Variants in AHCY observed in about 807,000 individuals in gnomAD.
AHCY encodes the protein S-adenosyl-L-homocysteine hydrolase.
A neutral mutation model predicts 45.4 loss-of-function variants in AHCY; 24 were observed. The observed-to-expected ratio is 0.53, with a 90% CI of 0.38 to 0.74. AHCY has a LOEUF of 0.74. AHCY is among the 30% of genes least tolerant of loss of function. The pLI, the probability that AHCY is intolerant of heterozygous loss-of-function variation, is 0.00. For synonymous variants in AHCY, 245 were observed against 235.1 expected (o/e 1.04, Z -0.39); for missense variants, 449 against 594.1 (o/e 0.76, Z 2.54).
Position 34,290,710 on chromosome 20 carries a change from C to T in AHCY, c.766+21G>A. On this transcript the variant is annotated intron_variant, in intron 6 of 9. Coordinates refer to ENST00000217426, the MANE Select transcript of AHCY (RefSeq NM_000687.4). This position sits in a 1 kb window ranked among gnomAD's most constrained non-coding sequence, Gnocchi z 4.5. The stretch of plus-strand genomic sequence containing the variant: ...TCCCTCTGGCCCCAGTGGCTGACAA[C>T]CAACCCTTGCCCTATCCTACCCTCC... 1.2e-6 allele frequency: 2 copies of T among 1,613,768 alleles called. No individual in the cohort carries two copies. Among genetic ancestry groups the T allele is most frequent in the Non-Finnish European group, 1.7e-6 (2 of 1,179,964 alleles).
the AHCY span, among the ~76,000 whole-genome samples, chr20:34,269,946 T>TTAAAA: frequency 3.4e-5 from 2 of 59,234 alleles, no homozygotes; most frequent in Admixed American, 1.8e-4. Flanking sequence ...AACTCTGTCT[T>TTAAAA]AAAAAAAAAA....
the AHCY span, chr20:34,246,485 C>G: frequency 7.2e-7 from 1 of 1,387,616 alleles, no homozygotes; most frequent in South Asian, 1.2e-5. Flanking sequence ...TAACTTGGCA[C>G]TGTTCCTTGG....
chr20:34,260,288 A>C, the AHCY span: 18 of 1,443,414 alleles, frequency 1.2e-5, no homozygotes, highest in South Asian at 1.8e-4. Context: ...CAGCCCAAAG[A>C]AGCACAAAGA....
At chr20:34,299,229 T>A (rs1345233586) in intron 1 of AHCY, among the ~76,000 whole-genome samples, 1 of 151,894 alleles carries the variant, frequency 6.6e-6, no homozygotes, top group Admixed American at 6.6e-5. Context: ...TGATTCCATA[T>A]CCCCTCTCCT....
At chr20:34,258,819 A>G in the AHCY span, among the ~76,000 whole-genome samples, 1 of 119,636 alleles carries the variant, frequency 8.4e-6, no homozygotes. Flanking sequence ...TATATATAAT[A>G]CTATATATAG....
chr20:34,253,821 T>C, the AHCY span, among the ~76,000 whole-genome samples: 3 of 152,160 alleles, frequency 2.0e-5, no homozygotes, highest in East Asian at 3.9e-4. Context: ...GCCATTTAAA[T>C]GACAGGTTCA....
chr20:34,261,737 C>T, the AHCY span, among the ~76,000 whole-genome samples: 53 of 151,242 alleles, frequency 3.5e-4, no homozygotes, highest in African/African-American at 1.1e-3. Context: ...AGGAGGTCGA[C>T]GCTGCAGTGA....
the AHCY span, among the ~76,000 whole-genome samples, chr20:34,268,332 C>A: frequency 6.6e-6 from 1 of 152,108 alleles, no homozygotes; most frequent in African/African-American, 2.4e-5. Flanking sequence ...CGGTGCACAG[C>A]GGGGCAGCGA....
chr20:34,245,815 G>T, the AHCY span: 1 of 783,682 alleles, frequency 1.3e-6, no homozygotes, highest in Non-Finnish European at 1.6e-6. Flanking sequence ...TGCCAAGGAC[G>T]AGGGCAGTCT....
intron 1 of AHCY, chr20:34,301,743 T>G: frequency 2.2e-6 from 2 of 891,550 alleles, no homozygotes; most frequent in Non-Finnish European, 2.7e-6. Flanking sequence ...ACTATTGATG[T>G]GACCTTCACA....
At chr20:34,306,079 CAAAAAAAA>C (rs56039506), upstream of AHCY, among the ~76,000 whole-genome samples, 141 of 103,104 alleles carry the variant, frequency 1.4e-3, 1 homozygote, top group African/African-American at 4.7e-3. Flanking sequence ...AAGACTGCCT[CAAAAAAAA>C]AAAAAAAAAA....
the AHCY span, among the ~76,000 whole-genome samples, chr20:34,253,307 C>T: frequency 1.3e-5 from 2 of 151,584 alleles, no homozygotes; most frequent in East Asian, 3.9e-4. Flanking sequence ...GGGGTTTCAC[C>T]ATGTTAGCCA....
chr20:34,296,420 A>G (rs192458807), intron 1 of AHCY, among the ~76,000 whole-genome samples: 23 of 152,320 alleles, frequency 1.5e-4, no homozygotes, highest in Non-Finnish European at 3.1e-4. Context: ...TTAGTAATAA[A>G]AGGTAATATT....
At chr20:34,267,544 T>A in the AHCY span, among the ~76,000 whole-genome samples, 31 of 152,146 alleles carry the variant, frequency 2.0e-4, no homozygotes, top group Middle Eastern at 6.8e-3. Context: ...TTATTTATTT[T>A]TTTTGAGACA....
the AHCY span, among the ~76,000 whole-genome samples, chr20:34,266,738 G>A: frequency 5.3e-5 from 8 of 152,292 alleles, no homozygotes; most frequent in East Asian, 3.9e-4. Flanking sequence ...CTAAGGACAC[G>A]TTAGCACCAA....
At chr20:34,235,517 A>C in the AHCY span, among the ~76,000 whole-genome samples, 1 of 152,238 alleles carries the variant, frequency 6.6e-6, no homozygotes, top group East Asian at 1.9e-4. Flanking sequence ...TCTATATGGG[A>C]TATGGAGAAA....
At chr20:34,266,862 C>A in the AHCY span, among the ~76,000 whole-genome samples, 1 of 152,168 alleles carries the variant, frequency 6.6e-6, no homozygotes, top group African/African-American at 2.4e-5. Context: ...AACACAGGTT[C>A]CCACTTTGGG....
intron 9 of AHCY, 40 bp downstream of exon 9, chr20:34,285,400 G>T (rs2036139388): frequency 6.2e-7 from 1 of 1,609,404 alleles, no homozygotes; most frequent in South Asian, 1.1e-5. Context: ...CCCAGGATTA[G>T]ACACGTGACC....
At chr20:34,233,632 G>A in the AHCY span, among the ~76,000 whole-genome samples, 1 of 152,054 alleles carries the variant, frequency 6.6e-6, no homozygotes, top group Non-Finnish European at 1.5e-5. Flanking sequence ...ATCTCTCAAT[G>A]GTACCACCAG....
Sources: gnomAD v4.1 joint callset for allele counts (sites outside exome capture counted in the v4.1 genomes callset) on GRCh38, gnomAD v4.1.1 for gene constraint, Gnocchi (gnomAD v3.1) non-coding constraint, MANE v1.5 for transcripts, NCBI Gene and HGNC (gene_info 2026-07-23, HGNC 2026-07-21) for gene names.